The following ST8SIA1 variants were observed in gnomAD, a reference collection of about 807,000 sequenced individuals.
ST8SIA1 encodes the protein ST8 alpha-N-acetyl-neuraminide alpha-2,8-sialyltransferase 1, also known as alpha-N-acetylneuraminide alpha-2,8-sialyltransferase.
In ST8SIA1, 16 loss-of-function variants were observed where a neutral mutation model predicts 35.9. The observed-to-expected ratio is 0.45, with a 90% CI of 0.30 to 0.68. The LOEUF is 0.68. Ranked by LOEUF, ST8SIA1 falls within the 30% of genes least tolerant of loss-of-function variation. The pLI, the probability that ST8SIA1 is intolerant of heterozygous loss-of-function variation, is 0.09. For missense variants in ST8SIA1, 383 were observed against 453.6 expected, an observed-to-expected ratio of 0.84 and a Z score of 1.41; for synonymous variants, 170 against 169.6, an observed-to-expected ratio of 1.00 and a Z score of -0.02.
chr12:22,201,421 CT>C lies in ST8SIA1; in HGVS notation c.*130del. 7.8e-7 allele frequency: 1 copy of C among 1,285,684 alleles called. No homozygotes were observed. The highest frequency in any genetic ancestry group is 1.1e-6 in the Non-Finnish European group (1 of 946,512). 79.6% of individuals were successfully genotyped at this position (1,285,684 alleles called of 1,614,324 possible). On this transcript the variant is annotated 3_prime_UTR_variant, in exon 5 of 5. Coordinates refer to ENST00000396037, the MANE Select transcript of ST8SIA1 (RefSeq NM_003034.4). Reference sequence around the variant, plus strand: ...GCTGAAAGTAAAGTTTTGCTTGGATCTTCATTGCTCCTTTCCTGTTTTTCCA... The same window carrying C: ...GCTGAAAGTAAAGTTTTGCTTGGATCTCATTGCTCCTTTCCTGTTTTTCCA...
At chr12:22,261,034 G>A (rs1195033743) in intron 2 of ST8SIA1, among the ~76,000 whole-genome samples, 1 of 151,726 alleles carries the variant, frequency 6.6e-6, no homozygotes, top group Middle Eastern at 3.2e-3. Flanking sequence ...GTACCACCAT[G>A]CCTGGCTAAT....
chr12:22,285,398 T>TA (rs1209299050), intron 2 of ST8SIA1, among the ~76,000 whole-genome samples: 11 of 152,190 alleles, frequency 7.2e-5, no homozygotes, highest in African/African-American at 2.4e-4. Context: ...ATGATTTTTT[T>TA]AAATGCCAAA....
chr12:22,273,851 T>G (rs1865939726), intron 2 of ST8SIA1, among the ~76,000 whole-genome samples: 1 of 152,170 alleles, frequency 6.6e-6, no homozygotes, highest in East Asian at 1.9e-4. Flanking sequence ...TCATCCAGAA[T>G]TAAACACTAT....
At chr12:22,256,000 T>C (rs139292293) in intron 2 of ST8SIA1, among the ~76,000 whole-genome samples, 22 of 152,222 alleles carry the variant, frequency 1.4e-4, no homozygotes, top group Non-Finnish European at 2.4e-4. Context: ...CTGAATGCTA[T>C]GGGGCAATCC....
intron 4 of ST8SIA1, among the ~76,000 whole-genome samples, chr12:22,233,656 C>CAAAAAAAAAAAA (rs562417311): frequency 6.8e-6 from 1 of 146,854 alleles, no homozygotes. Context: ...AACTACTTCT[C>CAAAAAAAAAAAA]AAAAAAAAAA....
chr12:22,219,761 T>C (rs1446563125), intron 4 of ST8SIA1, among the ~76,000 whole-genome samples: 1 of 152,154 alleles, frequency 6.6e-6, no homozygotes, highest in Non-Finnish European at 1.5e-5. Context: ...CATCTACACC[T>C]TGCAATGACT....
chr12:22,251,875 G>A (rs2120757316), intron 3 of ST8SIA1, among the ~76,000 whole-genome samples: 1 of 152,252 alleles, frequency 6.6e-6, no homozygotes, highest in South Asian at 2.1e-4. Flanking sequence ...GAAAAATCAT[G>A]AAATTACTTT....
intron 2 of ST8SIA1, among the ~76,000 whole-genome samples, chr12:22,270,356 G>T (rs2135805707): frequency 6.6e-6 from 1 of 152,324 alleles, no homozygotes; most frequent in South Asian, 2.1e-4. Context: ...AACTATAGTT[G>T]TAGAGTGTAG....
chr12:22,248,871 C>T, intron 4 of ST8SIA1, 135 bp downstream of exon 4: 1 of 597,350 alleles, frequency 1.7e-6, no homozygotes, highest in South Asian at 2.4e-5. Flanking sequence ...TTACAATTCC[C>T]TTCATCCTTC....
At chr12:22,311,838 T>C (rs1017696930) in intron 1 of ST8SIA1, among the ~76,000 whole-genome samples, 1 of 152,182 alleles carries the variant, frequency 6.6e-6, no homozygotes, top group African/African-American at 2.4e-5. Context: ...AGGAGATTAA[T>C]TGCATAAAGT....
chr12:22,320,523 G>A (rs763508274), intron 1 of ST8SIA1, among the ~76,000 whole-genome samples: 4 of 152,136 alleles, frequency 2.6e-5, no homozygotes, highest in Non-Finnish European at 5.9e-5. Flanking sequence ...ACAGAAGAGG[G>A]GTAGAGGAAT....
chr12:22,327,942 G>A (rs1390227860), intron 1 of ST8SIA1, among the ~76,000 whole-genome samples: 1 of 152,122 alleles, frequency 6.6e-6, no homozygotes, highest in African/African-American at 2.4e-5. Flanking sequence ...AAATCCTGTC[G>A]ATAGGGCAGG....
chr12:22,289,161 C>G (rs927385293), intron 1 of ST8SIA1, among the ~76,000 whole-genome samples: 1 of 152,160 alleles, frequency 6.6e-6, no homozygotes, highest in Non-Finnish European at 1.5e-5. Flanking sequence ...AAATAAGGAG[C>G]ATTATCACCA....
chr12:22,301,683 C>T (rs770197887), intron 1 of ST8SIA1, among the ~76,000 whole-genome samples: 8 of 152,140 alleles, frequency 5.3e-5, no homozygotes, highest in African/African-American at 1.2e-4. Context: ...TTTAAGGAAT[C>T]GAAGTTGGCT....
chr12:22,277,723 C>T (rs1369848891), intron 2 of ST8SIA1, among the ~76,000 whole-genome samples: 1 of 152,136 alleles, frequency 6.6e-6, no homozygotes, highest in Non-Finnish European at 1.5e-5. Flanking sequence ...TAAACCTTGA[C>T]TTAACCCAGT....
intron 4 of ST8SIA1, among the ~76,000 whole-genome samples, chr12:22,241,067 T>G (rs1865535711): frequency 6.8e-6 from 1 of 146,812 alleles, no homozygotes; most frequent in South Asian, 2.3e-4. Flanking sequence ...ACCCTAACCC[T>G]AACCCTAACG....
chr12:22,193,763 T>C lies in ST8SIA1; in HGVS notation c.*7789A>G, dbSNP rs571105269. The C allele has an allele frequency of 6.6e-6, 1 of 152,364 alleles. No individual in the cohort carries two copies. The highest frequency in any genetic ancestry group is 1.5e-5 in the Non-Finnish European group (1 of 68,028). 9.4% of individuals were successfully genotyped at this position (152,364 alleles called of 1,614,324 possible). A position where few individuals can be genotyped will look rare whatever the true frequency, so the allele number is the denominator to read the frequency against. On this transcript the variant is annotated 3_prime_UTR_variant, in exon 5 of 5. Coordinates refer to ENST00000396037, the MANE Select transcript of ST8SIA1 (RefSeq NM_003034.4). ...GCTTTAATAGAAAGAAGCAATTCCA[T>C]ATACTCTTCAAAGGTGATTTCAATT...
chr12:22,303,530 GTT>G (rs888612628), intron 1 of ST8SIA1, among the ~76,000 whole-genome samples: 8 of 152,078 alleles, frequency 5.3e-5, no homozygotes, highest in Non-Finnish European at 1.2e-4. Context: ...ATCGGGGTTT[GTT>G]TTTGGCTAAA....
intron 1 of ST8SIA1, among the ~76,000 whole-genome samples, chr12:22,321,690 G>A (rs867498868): frequency 3.9e-5 from 6 of 152,338 alleles, no homozygotes; most frequent in South Asian, 2.1e-4. Context: ...AGCTAACTGG[G>A]GTGCGGGGTG....
Sources: allele counts gnomAD v4.1 joint callset (sites outside exome capture counted in the v4.1 genomes callset), GRCh38; gene constraint gnomAD v4.1.1; transcripts MANE v1.5; gene names NCBI Gene and HGNC (gene_info 2026-07-23, HGNC 2026-07-21).